Variants in HDAC4 observed in about 807,000 individuals in gnomAD.
HDAC4 encodes the protein histone deacetylase A.
Under a neutral mutation model 135.1 loss-of-function variants are expected in HDAC4, and 16 were observed. That is an observed-to-expected ratio of 0.12 (90% CI 0.08 to 0.18). HDAC4 has a LOEUF of 0.18. Among genes scored for constraint, HDAC4 ranks in the 10% least tolerant of loss-of-function variants. The pLI is 1.00. For synonymous variants in HDAC4, 685 were observed against 653.4 expected (o/e 1.05, Z -0.74); for missense variants, 1,143 against 1,511.8 (o/e 0.76, Z 4.05).
intron 1 of HDAC4, among the ~76,000 whole-genome samples, chr2:239,382,073 G>A (rs1329884834): frequency 6.6e-6 from 1 of 152,210 alleles, no homozygotes; most frequent in Non-Finnish European, 1.5e-5. Flanking sequence ...GCTTCCCCAA[G>A]GGCTGGGATC....
chr2:239,373,523 C>T (rs761251646), intron 1 of HDAC4, among the ~76,000 whole-genome samples: 1 of 152,048 alleles, frequency 6.6e-6, no homozygotes, highest in Non-Finnish European at 1.5e-5. Flanking sequence ...GGCTGGAGTG[C>T]GGTGGTGTGA....
intron 3 of HDAC4, 105 bp from the exon 4 acceptor site, chr2:239,190,182 G>GGC: frequency 2.8e-6 from 4 of 1,411,994 alleles, no homozygotes; most frequent in African/African-American, 3.3e-5. Flanking sequence ...GGCGGGGGGG[G>GGC]GGTTGTGACC....
rs577869517 is a variant in HDAC4 at position 239,054,993 on chromosome 2, C to T, written c.3004-160G>A. ...AATAACTTTAAAAAGCCAAATGTGC[C>T]GTGGTATTTATAATTTTTTTGTAAA... On this transcript the variant is annotated intron_variant, in intron 24 of 26. Transcript: ENST00000543185. 3.0e-4 allele frequency among the ~76,000 whole-genome samples: 37 copies of T among 122,824 alleles called. 1 individual carries two copies. The highest frequency in any genetic ancestry group is 8.9e-4 in the Admixed American group (12 of 13,474). The allele number at this position is 122,824 out of a possible 152,430, so 80.6% of individuals were successfully genotyped here.
rs1012777034 is a variant in HDAC4 at position 239,175,709 on chromosome 2, C to T, written c.490+704G>A. ...TTTGAAGGCACTTATAAAATGCTCCCGAAAGAAAAGTACTTTGAAAAATGC... is the reference window on the plus strand; with the variant it reads ...TTTGAAGGCACTTATAAAATGCTCCTGAAAGAAAAGTACTTTGAAAAATGC... On this transcript the variant is annotated intron_variant, in intron 5 of 26. Coordinates refer to ENST00000543185, the MANE Select transcript of HDAC4 (RefSeq NM_001378414.1). Among the ~76,000 whole-genome samples, 14 of 152,058 alleles carry T rather than the reference C, an allele frequency of 9.2e-5. 1 individual carries two copies. The highest frequency in any genetic ancestry group is 5.8e-4 in the East Asian group (3 of 5,186).
At chr2:239,128,389 T>C (rs1487757947) in intron 11 of HDAC4, among the ~76,000 whole-genome samples, 2 of 152,042 alleles carry the variant, frequency 1.3e-5, no homozygotes, top group Non-Finnish European at 2.9e-5. Context: ...ATCAGCCATG[T>C]ATGGTGGCAC....
chr2:239,303,960 C>T lies in HDAC4; in HGVS notation c.22+48718G>A, dbSNP rs1313401692. Among the ~76,000 whole-genome samples, 2 of 152,182 alleles carry T rather than the reference C, an allele frequency of 1.3e-5. No homozygotes were observed. The highest frequency in any genetic ancestry group is 2.9e-5 in the Non-Finnish European group (2 of 68,030). Reference sequence around the variant, plus strand: ...CAAGCACCTGCCTCCCAGGCCTCACCAGTCTTCATCTCAGCCCGCCAGGTC... The same window carrying T: ...CAAGCACCTGCCTCCCAGGCCTCACTAGTCTTCATCTCAGCCCGCCAGGTC... On this transcript the variant is annotated intron_variant, in intron 2 of 26. Transcript: ENST00000543185. This position sits in a 1 kb window ranked among gnomAD's most constrained non-coding sequence, Gnocchi z 5.1.
At position 239,137,224 on chromosome 2, in the gene HDAC4, C is replaced by T. The variant is rs567175280; in HGVS notation, c.978+2460G>A. 1.1e-4 allele frequency among the ~76,000 whole-genome samples: 17 copies of T among 152,324 alleles called. No homozygotes were observed. In the East Asian group the frequency reaches 2.9e-3, roughly 26 times the overall value. ...GTTCTGGCATCTGCTGCCTCGGGGC[C>T]GAGCCCTGCGGGAGGCATTCTGAGG... On this transcript the variant is annotated intron_variant, in intron 9 of 26. Transcript: ENST00000543185.
intron 24 of HDAC4, among the ~76,000 whole-genome samples, chr2:239,063,281 G>A (rs1195276235): frequency 2.0e-5 from 3 of 151,924 alleles, no homozygotes; most frequent in East Asian, 2.0e-4. Flanking sequence ...GCTCACTGCA[G>A]GCTCCGCCTC....
chr2:239,372,540 C>T (rs977419321), intron 1 of HDAC4, among the ~76,000 whole-genome samples: 2 of 152,224 alleles, frequency 1.3e-5, no homozygotes, highest in Admixed American at 6.5e-5. Context: ...CCCAAAGACT[C>T]GCACTCCACA....
intron 2 of HDAC4, among the ~76,000 whole-genome samples, chr2:239,270,757 C>T (rs763366989): frequency 6.6e-6 from 1 of 152,134 alleles, no homozygotes; most frequent in Non-Finnish European, 1.5e-5. Flanking sequence ...GACCTGTTGA[C>T]GGATACGACA....
At chr2:239,096,904 G>A (rs1013194228) in intron 16 of HDAC4, among the ~76,000 whole-genome samples, 10 of 152,230 alleles carry the variant, frequency 6.6e-5, no homozygotes, top group Non-Finnish European at 1.3e-4. Context: ...CCACGTCCAC[G>A]GCCCGGGGCT....
intron 6 of HDAC4, among the ~76,000 whole-genome samples, chr2:239,158,126 G>A (rs2152954471): frequency 6.6e-6 from 1 of 152,346 alleles, no homozygotes; most frequent in East Asian, 1.9e-4. Flanking sequence ...CCTTGTGCAA[G>A]CCTCCCTTCT....
chr2:239,259,183 C>G (rs1427999662), intron 2 of HDAC4, among the ~76,000 whole-genome samples: 1 of 152,238 alleles, frequency 6.6e-6, no homozygotes, highest in Non-Finnish European at 1.5e-5. Flanking sequence ...TGCAGTGGCT[C>G]ACGCCTGTAA....
chr2:239,381,432 AG>A (rs1695407865), intron 1 of HDAC4, among the ~76,000 whole-genome samples: 1 of 152,238 alleles, frequency 6.6e-6, no homozygotes, highest in African/African-American at 2.4e-5. Flanking sequence ...AGAAATGAAA[AG>A]AAACGAAAAG....
intron 2 of HDAC4, among the ~76,000 whole-genome samples, chr2:239,265,311 A>G (rs771810791): frequency 5.3e-5 from 8 of 152,208 alleles, no homozygotes; most frequent in Non-Finnish European, 1.2e-4. Context: ...CAAACGTGTG[A>G]CTTCTCAGCA....
At chr2:239,387,056 G>T (rs889904447) in intron 1 of HDAC4, among the ~76,000 whole-genome samples, 1 of 152,134 alleles carries the variant, frequency 6.6e-6, no homozygotes, top group Non-Finnish European at 1.5e-5. Context: ...TCTGTATGAG[G>T]GTGTGTGCGT....
At chr2:239,298,324 C>T (rs1191801246) in intron 2 of HDAC4, 5 of 1,228,210 alleles carry the variant, frequency 4.1e-6, no homozygotes, top group Non-Finnish European at 5.2e-6. Flanking sequence ...CTGGGCATCA[C>T]GTGGAGATGA....
chr2:239,108,018 C>T (rs374961576), intron 15 of HDAC4, 32 bp downstream of exon 15: 103 of 1,610,070 alleles, frequency 6.4e-5, no homozygotes, highest in South Asian at 2.0e-4. Flanking sequence ...TGCCCAAAGC[C>T]GCAGCTGCCC....
At chr2:239,089,765 T>G (rs933575732) in intron 18 of HDAC4, 7 of 521,930 alleles carry the variant, frequency 1.3e-5, no homozygotes, top group South Asian at 5.0e-5. Flanking sequence ...TTTTTAAGAG[T>G]ATAAAGGGTT....
Sources: allele counts gnomAD v4.1 joint callset (sites outside exome capture counted in the v4.1 genomes callset), GRCh38; gene constraint gnomAD v4.1.1; non-coding constraint Gnocchi (gnomAD v3.1); transcripts MANE v1.5; gene names NCBI Gene and HGNC (gene_info 2026-07-23, HGNC 2026-07-21).